Variants in STIM1 observed in about 807,000 individuals in gnomAD.
STIM1 encodes the protein stromal interaction molecule 1.
In STIM1, 25 loss-of-function variants were observed where a neutral mutation model predicts 74.7. The ratio of observed to expected loss-of-function variants is 0.33; its 90% CI spans 0.24 to 0.47. The LOEUF (loss-of-function observed/expected upper bound fraction) is 0.47. Ranked by LOEUF, STIM1 falls within the 20% of genes least tolerant of loss-of-function variation. The pLI, the probability that STIM1 is intolerant of heterozygous loss-of-function variation, is 1.00. For synonymous variants in STIM1, 328 were observed against 348.8 expected (o/e 0.94, Z 0.66); for missense variants, 728 against 920.8 (o/e 0.79, Z 2.71).
chr11:3,957,139 T>C (rs2093225043), intron 1 of STIM1, among the ~76,000 whole-genome samples: 2 of 152,196 alleles, frequency 1.3e-5, no homozygotes, highest in African/African-American at 4.8e-5. Flanking sequence ...ACTATAGTTA[T>C]AAACTGACTG....
At chr11:4,035,529 CT>C (rs533798079) in intron 3 of STIM1, among the ~76,000 whole-genome samples, 70 of 146,956 alleles carry the variant, frequency 4.8e-4, no homozygotes, top group Admixed American at 3.4e-4. Flanking sequence ...AAATGTTGTG[CT>C]TTTTTTTTTG....
chr11:3,869,211 C>T (rs370745191), intron 1 of STIM1, among the ~76,000 whole-genome samples: 1 of 152,154 alleles, frequency 6.6e-6, no homozygotes, highest in East Asian at 1.9e-4. Context: ...CCTCGTGATC[C>T]GCCCGCCTCC....
At chr11:4,018,477 A>C (rs960538493) in intron 2 of STIM1, among the ~76,000 whole-genome samples, 3 of 147,730 alleles carry the variant, frequency 2.0e-5, no homozygotes, top group African/African-American at 5.0e-5. Context: ...AAAAAAAAAA[A>C]AAAAAAAAAC....
chr11:3,986,480 G>C (rs148484695), intron 2 of STIM1, among the ~76,000 whole-genome samples: 1 of 152,266 alleles, frequency 6.6e-6, no homozygotes, highest in East Asian at 1.9e-4. Context: ...AGCCAGATTT[G>C]TGTGCCATAC....
In STIM1 at chr11:3,989,513, G is replaced by C. The variant is rs762518246; in HGVS notation, c.270+21831G>C. 5.0e-6 allele frequency: 3 copies of C among 600,000 alleles called. No individual in the cohort carries two copies. In the East Asian group the frequency reaches 1.0e-4, roughly 21 times the overall value. The allele number at this position is 600,000 out of a possible 1,614,324, so 37.2% of individuals were successfully genotyped here. A position where few individuals can be genotyped will look rare whatever the true frequency, so the allele number is the denominator to read the frequency against. ...GGATGTCTGTGAGCCGCGGCGCACC[G>C]AGAGCCTTCGCGAAGCTGGGCTGCC... On this transcript the variant is annotated intron_variant, in intron 2 of 12. Transcript: ENST00000526596.
intron 7 of STIM1, among the ~76,000 whole-genome samples, chr11:4,080,963 C>T (rs1182328841): frequency 6.6e-6 from 1 of 151,920 alleles, no homozygotes; most frequent in Non-Finnish European, 1.5e-5. Flanking sequence ...ATCTAGTCTT[C>T]ATTTAGAGCT....
In STIM1 at chr11:3,972,543, T is replaced by A. The variant is rs182057262; in HGVS notation, c.270+4861T>A. On this transcript the variant is annotated intron_variant, in intron 2 of 12. Transcript: ENST00000526596. ...TCAACAGCATGAGTAAAAAAAATTA[T>A]CTACACTAAAACTCTTTGTTGGCAT... Among the ~76,000 whole-genome samples the A allele has an allele frequency of 2.6e-5, 4 of 152,340 alleles. No homozygotes were observed. In the East Asian group the frequency reaches 7.7e-4, roughly 29 times the overall value.
intron 6 of STIM1, 25 bp downstream of exon 6, chr11:4,070,228 G>T (rs202198817): frequency 2.5e-6 from 4 of 1,612,918 alleles, no homozygotes; most frequent in Non-Finnish European, 3.4e-6. Flanking sequence ...TTCAGGAAAG[G>T]TGAGGCCCTG....
intron 1 of STIM1, among the ~76,000 whole-genome samples, chr11:3,882,257 G>A (rs189938090): frequency 1.1e-4 from 16 of 151,666 alleles, no homozygotes; most frequent in African/African-American, 3.9e-4. Context: ...GCGCCACCAC[G>A]CCCAGCTAAT....
chr11:3,863,620 A>G (rs2090729873), intron 1 of STIM1, among the ~76,000 whole-genome samples: 1 of 152,130 alleles, frequency 6.6e-6, no homozygotes, highest in Non-Finnish European at 1.5e-5. Context: ...ATTGCACACC[A>G]TTTTGAGTAG....
chr11:4,012,496 G>A (rs150701966), intron 2 of STIM1, among the ~76,000 whole-genome samples: 1,716 of 152,148 alleles, frequency 0.011, 14 homozygotes, highest in Non-Finnish European at 0.018. Flanking sequence ...ATTGTGAATG[G>A]GAGTTCACTC....
chr11:3,863,427 T>C (rs1159895916), intron 1 of STIM1, among the ~76,000 whole-genome samples: 1 of 152,016 alleles, frequency 6.6e-6, no homozygotes, highest in Non-Finnish European at 1.5e-5. Context: ...TGGCTACTTT[T>C]TCTATTTTTT....
In STIM1 at chr11:4,022,335, CAAAAA is replaced by C. The variant is rs60560723; in HGVS notation, c.271-1521_271-1517del. On this transcript the variant is annotated intron_variant, in intron 2 of 12. Coordinates refer to ENST00000526596, the MANE Select transcript of STIM1 (RefSeq NM_001382567.1). ...TGGGTGACAGAATAAGAACCTGTCT[CAAAAA>C]AAAAAAAAAAAAAAAAGAGAGAAGA... Among the ~76,000 whole-genome samples the C allele has an allele frequency of 5.6e-3, 588 of 104,992 alleles. 2 individuals carry two copies. Among genetic ancestry groups the C allele is most frequent in the Non-Finnish European group, 9.0e-3 (486 of 54,032 alleles). The allele number at this position is 104,992 out of a possible 152,430, so 68.9% of individuals were successfully genotyped here.
chr11:3,909,739 G>A (rs1318746163), intron 1 of STIM1, among the ~76,000 whole-genome samples: 3 of 150,076 alleles, frequency 2.0e-5, no homozygotes, highest in South Asian at 4.2e-4. Flanking sequence ...CAGGAGAATG[G>A]CATGATCCTG....
intron 1 of STIM1, among the ~76,000 whole-genome samples, chr11:3,943,862 TAAAG>T (rs1459483796): frequency 6.6e-6 from 1 of 152,248 alleles, no homozygotes; most frequent in Non-Finnish European, 1.5e-5. Context: ...CACTATGACT[TAAAG>T]AAAACAAATT....
chr11:3,909,653 T>C (rs2092527975), intron 1 of STIM1, among the ~76,000 whole-genome samples: 1 of 151,678 alleles, frequency 6.6e-6, no homozygotes, highest in African/African-American at 2.4e-5. Flanking sequence ...TGAAACTCCG[T>C]CTCTACTAAA....
chr11:3,903,545 C>T (rs11030211), intron 1 of STIM1: 52,476 of 151,996 alleles, frequency 0.35, 9,273 homozygotes, highest in South Asian at 0.48. Context: ...AGAATTTTAA[C>T]CTTAAGGAAG....
At chr11:4,079,932 T>A (rs2094456618) in intron 7 of STIM1, among the ~76,000 whole-genome samples, 1 of 152,104 alleles carries the variant, frequency 6.6e-6, no homozygotes, top group Admixed American at 6.5e-5. Context: ...TTTTTTAAGT[T>A]CCTGGCCAGG....
chr11:3,896,219 C>A lies in STIM1; in HGVS notation c.139+39810C>A, dbSNP rs1167412200. Among the ~76,000 whole-genome samples, 3 of 149,982 alleles carry A rather than the reference C, an allele frequency of 2.0e-5. No individual in the cohort carries two copies. In the East Asian group the frequency reaches 5.9e-4, roughly 30 times the overall value. ...GCACCTGGCCGGAATAGTGCTCTCT[C>A]TCTACCATTATATGTGGGACAAGGG... is the stretch of plus-strand genomic sequence containing the variant. On this transcript the variant is annotated intron_variant, in intron 1 of 12. Transcript: ENST00000526596.
Sources: allele counts gnomAD v4.1 joint callset (sites outside exome capture counted in the v4.1 genomes callset), GRCh38; gene constraint gnomAD v4.1.1; transcripts MANE v1.5; gene names NCBI Gene and HGNC (gene_info 2026-07-23, HGNC 2026-07-21).